PCDHGB2: variants seen among roughly 807,000 people sequenced by gnomAD.
PCDHGB2 encodes the protein protocadherin gamma-B2.
A neutral mutation model predicts 59.3 loss-of-function variants in PCDHGB2; 55 were observed. The observed-to-expected ratio is 0.93, with a 90% confidence interval of 0.75 to 1.16. The LOEUF (loss-of-function observed/expected upper bound fraction) is 1.16, where lower values mean the gene tolerates loss of function less well. Ranked by LOEUF, PCDHGB2 falls within the 50% of genes most tolerant of loss-of-function variation. PCDHGB2 has a pLI of 0.00. For synonymous variants in PCDHGB2, 516 were observed against 512.0 expected, an observed-to-expected ratio of 1.01 and a Z score of -0.11; for missense variants, 1,228 against 1,198.5, an observed-to-expected ratio of 1.02 and a Z score of -0.36.
At chr5:141,429,387 T>A (rs372199649) in intron 1 of PCDHGB2, among the ~76,000 whole-genome samples, 4,783 of 151,430 alleles carry the variant, frequency 0.032, 106 homozygotes, top group African/African-American at 0.043. Context: ...GTTTTTTTTT[T>A]AAAAAAAATT....
intron 1 of PCDHGB2, chr5:141,374,662 G>C (rs1378135258): frequency 6.2e-7 from 1 of 1,611,648 alleles, no homozygotes; most frequent in South Asian, 1.1e-5. Flanking sequence ...AGTACCCGGA[G>C]CTGGTGCTGG....
chr5:141,385,223 A>G, intron 1 of PCDHGB2: 2 of 1,614,184 alleles, frequency 1.2e-6, no homozygotes, highest in Non-Finnish European at 1.7e-6. Context: ...CAGCCCAACT[A>G]TGTAGACATG....
intron 1 of PCDHGB2, chr5:141,427,830 C>G (rs749612858): frequency 7.8e-6 from 12 of 1,538,206 alleles, no homozygotes; most frequent in Non-Finnish European, 1.1e-5. Context: ...GGTCGCGCAG[C>G]GTGCCTTCGA....
chr5:141,384,913 T>C, intron 1 of PCDHGB2: 1 of 1,613,988 alleles, frequency 6.2e-7, no homozygotes, highest in Non-Finnish European at 8.5e-7. Context: ...CCCCGAAGTC[T>C]TGGCCGACCT....
chr5:141,485,466 T>C lies in PCDHGB2; in HGVS notation c.2422-9341T>C, dbSNP rs1485922901. ...ATCGACCGAGAGGCACTGTGTGGGC[T>C]CAGTGCCAGCTGCATCGTGCCCCTG... On this transcript the variant is annotated intron_variant, in intron 1 of 3. Transcript: ENST00000522605. The surrounding 1 kb of genome is among the most constrained non-coding windows in gnomAD (Gnocchi z 5.7). 6.2e-7 allele frequency: 1 copy of C among 1,613,868 alleles called. No individual in the cohort carries two copies. Among genetic ancestry groups the C allele is most frequent in the Non-Finnish European group, 8.5e-7 (1 of 1,179,924 alleles).
intron 1 of PCDHGB2, chr5:141,384,838 C>G: frequency 6.2e-7 from 1 of 1,613,540 alleles, no homozygotes; most frequent in Non-Finnish European, 8.5e-7. Flanking sequence ...GGTGGCCGTC[C>G]AGGACCACGG....
intron 1 of PCDHGB2, chr5:141,426,692 C>T: frequency 2.3e-6 from 1 of 435,472 alleles, no homozygotes; most frequent in Non-Finnish European, 4.7e-6. Flanking sequence ...CCCAAAATAG[C>T]ATTGTTTTAC....
chr5:141,366,715 T>C (rs1183918402), intron 1 of PCDHGB2: 3 of 1,614,072 alleles, frequency 1.9e-6, no homozygotes, highest in Non-Finnish European at 2.5e-6. Flanking sequence ...TGATGTCTGA[T>C]AAGGTAGATG....
chr5:141,366,208 G>A (rs1017414789), intron 1 of PCDHGB2: 2 of 1,613,700 alleles, frequency 1.2e-6, no homozygotes, highest in African/African-American at 1.3e-5. Flanking sequence ...CGGGCGAGGT[G>A]CGCACAGCGC....
At chr5:141,439,996 G>C (rs1156373511) in intron 1 of PCDHGB2, 1 of 153,262 alleles carries the variant, frequency 6.5e-6, no homozygotes, top group African/African-American at 2.4e-5. Flanking sequence ...GTTTGGTGGT[G>C]GGAAACCTTG....
rs200931939 is a variant in PCDHGB2, at chr5:141,423,096, C to T, written c.2421+60540C>T. On this transcript the variant is annotated intron_variant, in intron 1 of 3. Transcript: ENST00000522605. Reference sequence around the variant, plus strand: ...CGGGACTCTTCGCGGTGGGGGAGCACACGGGCGAGGTGCGTACAGCGCGGG... The same window carrying T: ...CGGGACTCTTCGCGGTGGGGGAGCATACGGGCGAGGTGCGTACAGCGCGGG... The T allele has an allele frequency of 3.8e-5, 61 of 1,613,974 alleles. No individual in the cohort carries two copies. In the East Asian group the frequency reaches 1.3e-3, roughly 35 times the overall value.
At position 141,360,103 on chromosome 5, in the gene PCDHGB2, T is replaced by A. The variant is rs1233715978; in HGVS notation, c.-33T>A. On this transcript the variant is annotated 5_prime_UTR_variant, in exon 1 of 4. Coordinates refer to ENST00000522605, the MANE Select transcript of PCDHGB2 (RefSeq NM_018923.3). ...CTGCCATCCCCGGAAGGCTTATTCC[T>A]CCTATGGGCAAAGGAGCAAAGGGAG... The A allele has an allele frequency of 1.3e-6, 2 of 1,539,284 alleles. No individual in the cohort carries two copies. The highest frequency in any genetic ancestry group is 1.7e-6 in the Non-Finnish European group (2 of 1,143,032).
rs1001912556 is a variant in PCDHGB2, at chr5:141,493,404, CTCTGCTGGGATTTTGCT to C, written c.2422-1391_2422-1375del. Among the ~76,000 whole-genome samples, 10 of 152,266 alleles carry C rather than the reference CTCTGCTGGGATTTTGCT, an allele frequency of 6.6e-5. No individual in the cohort carries two copies. Among genetic ancestry groups the C allele is most frequent in the Admixed American group, 6.5e-4 (10 of 15,298 alleles). On this transcript the variant is annotated intron_variant, in intron 1 of 3. Coordinates refer to ENST00000522605, the MANE Select transcript of PCDHGB2 (RefSeq NM_018923.3). The surrounding 1 kb of genome is among the most constrained non-coding windows in gnomAD (Gnocchi z 4.3). ...CTTGAGGACAGGAGAGGGGAGTTGCCTCTGCTGGGATTTTGCTTCTGCTGGGATGGGGCAAGGGTGGG... is the reference window on the plus strand; with the variant it reads ...CTTGAGGACAGGAGAGGGGAGTTGCCTCTGCTGGGATGGGGCAAGGGTGGG...
rs1562144438 is a variant in PCDHGB2, at chr5:141,491,135, G to A, written c.2422-3672G>A. On this transcript the variant is annotated intron_variant, in intron 1 of 3. Transcript: ENST00000522605. The surrounding 1 kb of genome is among the most constrained non-coding windows in gnomAD (Gnocchi z 6.9). Reference sequence around the variant, plus strand: ...CACACTGGTGAGGTGCGCACAGCCCGGGCCTTACTGGAGGATGACTCTGAC... The same window carrying A: ...CACACTGGTGAGGTGCGCACAGCCCAGGCCTTACTGGAGGATGACTCTGAC... 4 of 1,614,104 alleles carry A rather than the reference G, an allele frequency of 2.5e-6. No homozygotes were observed. The highest frequency in any genetic ancestry group is 1.3e-5 in the African/African-American group (1 of 75,034).
chr5:141,415,029 G>A (rs777967290), intron 1 of PCDHGB2: 4 of 1,613,436 alleles, frequency 2.5e-6, no homozygotes, highest in Non-Finnish European at 3.4e-6. Flanking sequence ...CCAGCGAGCC[G>A]GGACTCTTCG....
chr5:141,433,236 C>G, intron 1 of PCDHGB2: 2 of 1,501,160 alleles, frequency 1.3e-6, no homozygotes, highest in South Asian at 1.3e-5. Flanking sequence ...CTCTGTCTCC[C>G]AAGCTGGAAT....
intron 1 of PCDHGB2, chr5:141,383,002 G>C (rs376825891): frequency 1.2e-6 from 2 of 1,613,768 alleles, no homozygotes; most frequent in African/African-American, 1.3e-5. Context: ...TCTCTACTCC[G>C]TGTCGGAGGA....
At chr5:141,457,514 CAATT>C (rs1258794594) in intron 1 of PCDHGB2, among the ~76,000 whole-genome samples, 2 of 152,260 alleles carry the variant, frequency 1.3e-5, no homozygotes, top group African/African-American at 4.8e-5. Context: ...AGCTTAAAAA[CAATT>C]AATGAGACTA....
rs549866784 is a variant in PCDHGB2, at chr5:141,437,490, A to G, written c.2422-57317A>G. ...TTTTATAGCATATTTAATCTCGTAGATCACTTTTCAATGAATTATAAGGCT... is the reference window on the plus strand; with the variant it reads ...TTTTATAGCATATTTAATCTCGTAGGTCACTTTTCAATGAATTATAAGGCT... On this transcript the variant is annotated intron_variant, in intron 1 of 3. Coordinates refer to ENST00000522605, the MANE Select transcript of PCDHGB2 (RefSeq NM_018923.3). 2.0e-5 allele frequency among the ~76,000 whole-genome samples: 3 copies of G among 152,308 alleles called. No homozygotes were observed. In the East Asian group the frequency reaches 5.8e-4, roughly 29 times the overall value.
Sources: allele counts gnomAD v4.1 joint callset (sites outside exome capture counted in the v4.1 genomes callset), GRCh38; gene constraint gnomAD v4.1.1; non-coding constraint Gnocchi (gnomAD v3.1); transcripts MANE v1.5; gene names NCBI Gene and HGNC (gene_info 2026-07-23, HGNC 2026-07-21).